Variants in ARNT observed in about 807,000 individuals in gnomAD.
ARNT encodes class E basic helix-loop-helix protein 2.
In ARNT, 30 loss-of-function variants were observed where a neutral mutation model predicts 105.0. The observed-to-expected ratio is 0.29, with a 90% CI of 0.21 to 0.39. The LOEUF is 0.39. Ranked by LOEUF, ARNT falls within the 10% of genes least tolerant of loss-of-function variation. ARNT has a pLI of 1.00. For synonymous variants in ARNT, 304 were observed against 344.0 expected (o/e 0.88, Z 1.29); for missense variants, 748 against 978.7 (o/e 0.76, Z 3.15).
intron 6 of ARNT, among the ~76,000 whole-genome samples, chr1:150,838,729 A>G (rs1334668595): frequency 6.6e-6 from 1 of 152,186 alleles, no homozygotes; most frequent in East Asian, 1.9e-4. Flanking sequence ...TTAATAACCA[A>G]AACAGAACAT....
chr1:150,852,823 A>T lies in ARNT; in HGVS notation c.138-17T>A. On this transcript the variant is annotated splice_polypyrimidine_tract_variant and intron_variant, in intron 2 of 21. Coordinates refer to ENST00000358595, the MANE Select transcript of ARNT (RefSeq NM_001668.4). ...AAATCCAGCCTGAGGAAAGCCAACA[A>T]TAAATACTTTAAGCCTGCTGATAAT... 4.3e-6 allele frequency: 7 copies of T among 1,614,026 alleles called. No individual in the cohort carries two copies. The highest frequency in any genetic ancestry group is 5.9e-6 in the Non-Finnish European group (7 of 1,179,912).
chr1:150,865,306 G>T (rs1055151173), intron 1 of ARNT, among the ~76,000 whole-genome samples: 2 of 152,090 alleles, frequency 1.3e-5, no homozygotes, highest in Non-Finnish European at 2.9e-5. Context: ...CCACAAGGAT[G>T]GAAAGAATAA....
intron 4 of ARNT, among the ~76,000 whole-genome samples, chr1:150,845,020 G>C (rs932841755): frequency 6.6e-6 from 1 of 151,902 alleles, no homozygotes; most frequent in African/African-American, 2.4e-5. Context: ...ATGTTGGCCA[G>C]GCTGGTTTTG....
rs1179083467 is a variant in ARNT at position 150,872,677 on chromosome 1, C to G, written c.25+3866G>C. On this transcript the variant is annotated intron_variant, in intron 1 of 21. Coordinates refer to ENST00000358595, the MANE Select transcript of ARNT (RefSeq NM_001668.4). ...ACATTCAATTTAAAAAGTGTTCCAC[C>G]TTGGCTGGGCATGGTGGTCATGCCT... Among the ~76,000 whole-genome samples, 6 of 152,294 alleles carry G rather than the reference C, an allele frequency of 3.9e-5. No individual in the cohort carries two copies. The East Asian group carries it at 1.2e-3, about 29-fold the overall frequency.
chr1:150,856,747 G>A (rs374281866), intron 2 of ARNT, among the ~76,000 whole-genome samples: 9 of 152,150 alleles, frequency 5.9e-5, no homozygotes, highest in African/African-American at 2.2e-4. Flanking sequence ...TGGCAAAAGA[G>A]CAAGACTCTG....
At chr1:150,848,361 C>A (rs1450116353) in intron 3 of ARNT, among the ~76,000 whole-genome samples, 2 of 151,704 alleles carry the variant, frequency 1.3e-5, no homozygotes, top group African/African-American at 2.4e-5. Flanking sequence ...GAGGCTGAGG[C>A]AGGAGAATAG....
intron 2 of ARNT, among the ~76,000 whole-genome samples, chr1:150,857,187 G>A (rs973953989): frequency 6.6e-6 from 1 of 152,140 alleles, no homozygotes; most frequent in Non-Finnish European, 1.5e-5. Flanking sequence ...TTAATAGATT[G>A]TGAACATCTT....
chr1:150,871,294 G>GT (rs754698911), intron 1 of ARNT, among the ~76,000 whole-genome samples: 1,519 of 94,636 alleles, frequency 0.016, 27 homozygotes, highest in Non-Finnish European at 0.021. Context: ...GGCAGTCGTG[G>GT]TTTTTTTTTT....
At position 150,847,342 on chromosome 1, in the gene ARNT, A is replaced by G. The variant is rs1450027291; in HGVS notation, c.183-1035T>C. On this transcript the variant is annotated intron_variant, in intron 3 of 21. Transcript: ENST00000358595. Reference sequence around the variant, plus strand: ...GCTACTTCGGAGGCTGAGGCAGCAGAACCACTTGAACCTGGGAGGCGGAGG... The same window carrying G: ...GCTACTTCGGAGGCTGAGGCAGCAGGACCACTTGAACCTGGGAGGCGGAGG... Among the ~76,000 whole-genome samples, 3 of 148,964 alleles carry G rather than the reference A, an allele frequency of 2.0e-5. No individual in the cohort carries two copies. In the East Asian group the frequency reaches 6.0e-4, roughly 30 times the overall value.
chr1:150,811,895 G>C lies in ARNT; in HGVS notation c.*126C>G, dbSNP rs905920076. 2.0e-5 allele frequency: 11 copies of C among 553,794 alleles called. No homozygotes were observed. The highest frequency in any genetic ancestry group is 4.2e-5 in the Admixed American group (1 of 23,754). 34.3% of individuals were successfully genotyped at this position (553,794 alleles called of 1,614,324 possible). ...GCAGGGGAACAGCCAGAAGGGAAAG[G>C]GGGTACATGTCAGGGGTGAGGGAAG... On this transcript the variant is annotated 3_prime_UTR_variant, in exon 22 of 22. Transcript: ENST00000358595.
chr1:150,812,052 T>G lies in ARNT; in HGVS notation c.2339A>C (p.Asp780Ala), dbSNP rs777958186. ...SNSYNNEEFP[D>A]LTMFPPFSE Reference sequence around the variant, plus strand: ...TGAAAAGGGGGGAAACATAGTTAGATCAGGGAATTCTTCATTGTTGTAGCT... The same window carrying G: ...TGAAAAGGGGGGAAACATAGTTAGAGCAGGGAATTCTTCATTGTTGTAGCT... Residue 780 changes from aspartate to alanine, a missense_variant, in exon 22 of 22, where the codon GAT becomes GCT. By Grantham distance (126) the Asp-to-Ala change is moderately radical (BLOSUM62 -2). Around this residue, in one of 4 missense-constraint regions of ARNT, gnomAD observed 360 missense variants for 411.9 expected, o/e 0.87. Transcript: ENST00000358595. The G allele has an allele frequency of 1.4e-5, 22 of 1,572,238 alleles. No individual in the cohort carries two copies. Among genetic ancestry groups the G allele is most frequent in the Non-Finnish European group, 1.9e-5 (22 of 1,156,040 alleles).
chr1:150,824,429 C>T (rs1657763609), intron 13 of ARNT, among the ~76,000 whole-genome samples: 3 of 151,466 alleles, frequency 2.0e-5, no homozygotes, highest in African/African-American at 7.3e-5. Flanking sequence ...TTCCCCGAAA[C>T]CTGAGAACAT....
Position 150,823,124 on chromosome 1 carries a change from G to A in ARNT, c.1394+70C>T, listed in dbSNP as rs1657458287. 4 of 1,365,628 alleles carry A rather than the reference G, an allele frequency of 2.9e-6. No individual in the cohort carries two copies. The South Asian group carries it at 5.8e-5, about 20-fold the overall frequency. 84.6% of individuals were successfully genotyped at this position (1,365,628 alleles called of 1,614,324 possible). On this transcript the variant is annotated intron_variant, in intron 14 of 21. Coordinates refer to ENST00000358595, the MANE Select transcript of ARNT (RefSeq NM_001668.4). Reference sequence around the variant, plus strand: ...CTTGATTGTTTACCCCCCACATAGGGCATCAGAAGTGTTTTCTGTTGTGAG... The same window carrying A: ...CTTGATTGTTTACCCCCCACATAGGACATCAGAAGTGTTTTCTGTTGTGAG...
intron 9 of ARNT, 82 bp downstream of exon 9, chr1:150,832,249 AACG>A: frequency 2.8e-6 from 4 of 1,424,842 alleles, no homozygotes; most frequent in Non-Finnish European, 4.0e-6. Flanking sequence ...CTGCTGAAGG[AACG>A]ACTACAGTAA....
intron 12 of ARNT, among the ~76,000 whole-genome samples, chr1:150,826,878 C>CT (rs1658397531): frequency 6.6e-6 from 1 of 151,914 alleles, no homozygotes; most frequent in Non-Finnish European, 1.5e-5. Context: ...AACTCCTGAC[C>CT]TCAAGTGATC....
intron 12 of ARNT, among the ~76,000 whole-genome samples, chr1:150,827,069 A>G (rs1658441124): frequency 6.6e-6 from 1 of 152,136 alleles, no homozygotes; most frequent in Non-Finnish European, 1.5e-5. Context: ...AAAAGACAAT[A>G]AACAAAAGAT....
In ARNT at chr1:150,824,180, T is replaced by C. The variant is rs374847969; in HGVS notation, c.1243-835A>G. Among the ~76,000 whole-genome samples, 161 of 151,542 alleles carry C rather than the reference T, an allele frequency of 1.1e-3. 1 individual carries two copies. Among genetic ancestry groups the C allele is most frequent in the African/African-American group, 3.7e-3 (153 of 41,356 alleles). On this transcript the variant is annotated intron_variant, in intron 13 of 21. Coordinates refer to ENST00000358595, the MANE Select transcript of ARNT (RefSeq NM_001668.4). Reference sequence around the variant, plus strand: ...TCTTATTAGGTTGGTGCAAAAGTAATTGCATTTTTTGCCATTTAAAAAAAT... The same window carrying C: ...TCTTATTAGGTTGGTGCAAAAGTAACTGCATTTTTTGCCATTTAAAAAAAT...
chr1:150,812,233 T>C (rs1571149522), intron 21 of ARNT, 123 bp from the exon 22 acceptor site: 2 of 590,696 alleles, frequency 3.4e-6, no homozygotes, highest in East Asian at 3.3e-5. Context: ...GCTGAGCTCT[T>C]AGCCTTCCTT....
At chr1:150,836,617 C>T (rs1660374996) in intron 6 of ARNT, 124 bp from the exon 7 acceptor site, 6 of 952,850 alleles carry the variant, frequency 6.3e-6, no homozygotes, top group Non-Finnish European at 1.5e-6. Context: ...CTGGTTCACA[C>T]CTGATCCACA....
Sources: allele counts gnomAD v4.1 joint callset (sites outside exome capture counted in the v4.1 genomes callset), GRCh38; gene constraint gnomAD v4.1.1; regional missense constraint gnomAD v4.1.1; transcripts MANE v1.5; gene names NCBI Gene and HGNC (gene_info 2026-07-23, HGNC 2026-07-21).